Variants in SAMTOR observed in about 807,000 individuals in gnomAD.
SAMTOR encodes the protein S-adenosylmethionine sensor upstream of mTORC1, also known as UPF0532 protein C7orf60.
the SAMTOR span, among the ~76,000 whole-genome samples, chr7:112,899,453 G>C: frequency 1.3e-5 from 2 of 151,970 alleles, no homozygotes; most frequent in Non-Finnish European, 2.9e-5. Flanking sequence ...GCCTCAAAAG[G>C]GCAAATCTAA....
At chr7:112,882,614 G>A in the SAMTOR span, among the ~76,000 whole-genome samples, 7 of 151,946 alleles carry the variant, frequency 4.6e-5, no homozygotes. Flanking sequence ...GCCTGAATCA[G>A]GGAGTCGGAG....
chr7:112,863,611 G>A, the SAMTOR span, among the ~76,000 whole-genome samples: 16 of 152,146 alleles, frequency 1.1e-4, no homozygotes, highest in Non-Finnish European at 1.9e-4. Context: ...CCATTAAAAA[G>A]TGGGCAAAGG....
the SAMTOR span, among the ~76,000 whole-genome samples, chr7:112,908,768 T>A: frequency 1.3e-3 from 201 of 152,276 alleles, no homozygotes; most frequent in Non-Finnish European, 2.4e-3. Flanking sequence ...TGGTTACCCA[T>A]AGGAGGTGTT....
chr7:112,907,405 C>T, the SAMTOR span, among the ~76,000 whole-genome samples: 1 of 151,986 alleles, frequency 6.6e-6, no homozygotes. Context: ...GAGTGAATAA[C>T]AAATTGTTAT....
At chr7:112,878,982 A>C in the SAMTOR span, among the ~76,000 whole-genome samples, 1 of 152,038 alleles carries the variant, frequency 6.6e-6, no homozygotes, top group Non-Finnish European at 1.5e-5. Context: ...TTGGTGATTA[A>C]CCAGATGTGC....
the SAMTOR span, among the ~76,000 whole-genome samples, chr7:112,849,344 A>G: frequency 6.6e-6 from 1 of 152,178 alleles, no homozygotes; most frequent in Non-Finnish European, 1.5e-5. Context: ...AAGGCTCTGG[A>G]GACAGATAAT....
At chr7:112,884,572 A>C in the SAMTOR span, among the ~76,000 whole-genome samples, 1 of 152,278 alleles carries the variant, frequency 6.6e-6, no homozygotes, top group African/African-American at 2.4e-5. Flanking sequence ...TTAAACCTCC[A>C]AGTTCCAAAA....
the SAMTOR span, among the ~76,000 whole-genome samples, chr7:112,922,847 G>A: frequency 8.2e-4 from 115 of 140,646 alleles, no homozygotes; most frequent in Non-Finnish European, 6.1e-4. Flanking sequence ...TCAGACCCCC[G>A]CCCGGCCAGC....
At chr7:112,934,339 AT>A in the SAMTOR span, among the ~76,000 whole-genome samples, 1 of 152,320 alleles carries the variant, frequency 6.6e-6, no homozygotes, top group South Asian at 2.1e-4. Flanking sequence ...CAAAGGATAG[AT>A]TGCAAACTAA....
the SAMTOR span, among the ~76,000 whole-genome samples, chr7:112,870,961 C>CAA: frequency 6.6e-6 from 1 of 152,072 alleles, no homozygotes. Context: ...ATAAAGAGCT[C>CAA]AATTCCATGA....
the SAMTOR span, among the ~76,000 whole-genome samples, chr7:112,926,896 T>C: frequency 1.3e-5 from 2 of 152,102 alleles, no homozygotes; most frequent in Non-Finnish European, 2.9e-5. Flanking sequence ...TTTCAAACTC[T>C]GACTACTGTG....
the SAMTOR span, among the ~76,000 whole-genome samples, chr7:112,887,417 A>G: frequency 4.2e-4 from 64 of 152,156 alleles, 1 homozygote; most frequent in Admixed American, 8.5e-4. Flanking sequence ...GGAAATGGGA[A>G]AACTGGTTCA....
the SAMTOR span, among the ~76,000 whole-genome samples, chr7:112,838,088 C>T: frequency 6.6e-6 from 1 of 151,870 alleles, no homozygotes; most frequent in Non-Finnish European, 1.5e-5. Context: ...ACCAAATAGG[C>T]TGTGAAAAGG....
chr7:112,904,680 C>CT, the SAMTOR span, among the ~76,000 whole-genome samples: 2 of 152,018 alleles, frequency 1.3e-5, no homozygotes, highest in African/African-American at 4.8e-5. Flanking sequence ...ACTTGTGCAA[C>CT]TTTTTTCTAG....
At chr7:112,939,018 T>C in the SAMTOR span, among the ~76,000 whole-genome samples, 123 of 152,292 alleles carry the variant, frequency 8.1e-4, no homozygotes, top group African/African-American at 2.9e-3. Flanking sequence ...GCCCGCCCCC[T>C]TTTAACAATG....
the SAMTOR span, among the ~76,000 whole-genome samples, chr7:112,828,648 ATTATCT>A: frequency 0.035 from 5,298 of 152,234 alleles, 150 homozygotes; most frequent in African/African-American, 0.074. Flanking sequence ...ACAATGGTAA[ATTATCT>A]TTAAAGAGTT....
the SAMTOR span, among the ~76,000 whole-genome samples, chr7:112,900,336 T>C: frequency 1.3e-5 from 2 of 152,102 alleles, no homozygotes; most frequent in Non-Finnish European, 2.9e-5. Flanking sequence ...TAGTCTAAGT[T>C]CAAAGGCCTA....
At chr7:112,915,677 T>C in the SAMTOR span, among the ~76,000 whole-genome samples, 1 of 152,160 alleles carries the variant, frequency 6.6e-6, no homozygotes, top group Non-Finnish European at 1.5e-5. Context: ...TGTAAAGGGA[T>C]GCATCATTTT....
chr7:112,860,247 T>C, the SAMTOR span, among the ~76,000 whole-genome samples: 3 of 152,208 alleles, frequency 2.0e-5, no homozygotes, highest in Non-Finnish European at 4.4e-5. Context: ...GTACACTCTA[T>C]GTTCACACAA....
Sources: gnomAD v4.1 joint callset for allele counts (sites outside exome capture counted in the v4.1 genomes callset) on GRCh38, gnomAD v4.1.1 for gene constraint, MANE v1.5 for transcripts, NCBI Gene and HGNC (gene_info 2026-07-23, HGNC 2026-07-21) for gene names.